TELO2: variants seen among roughly 807,000 people sequenced by gnomAD.
TELO2 encodes the protein telomere length regulation protein TEL2 homolog.
TELO2 carries 71 observed loss-of-function variants against 91.0 expected under a neutral mutation model. The ratio of observed to expected loss-of-function variants is 0.78; its 90% CI spans 0.64 to 0.95. The LOEUF is 0.95. Among genes scored for constraint, TELO2 ranks in the 40% least tolerant of loss-of-function variants. The pLI, the probability that TELO2 is intolerant of heterozygous loss-of-function variation, is 0.00. For missense variants in TELO2, 1,183 were observed against 1,141.3 expected (o/e 1.04, Z -0.53); for synonymous variants, 584 against 518.9 (o/e 1.13, Z -1.71).
At chr16:1,507,981 C>T (rs1042366054) in intron 20 of TELO2, among the ~76,000 whole-genome samples, 2 of 147,664 alleles carry the variant, frequency 1.4e-5, no homozygotes, top group East Asian at 4.0e-4. Flanking sequence ...CCTTGGGACC[C>T]ACACAGGCAG....
At position 1,493,855 on chromosome 16, in the gene TELO2, C is replaced by T. The variant is rs969539964; in HGVS notation, c.-37+250C>T. ...GAGCCACCTCTCACCGCTCAGGGAG[C>T]CGGGAGGGCCGGCAGCTCCCGCGGG... On this transcript the variant is annotated intron_variant, in intron 1 of 20. Coordinates refer to ENST00000262319, the MANE Select transcript of TELO2 (RefSeq NM_016111.4). The surrounding 1 kb of genome is among the most constrained non-coding windows in gnomAD (Gnocchi z 4.3). Among the ~76,000 whole-genome samples the T allele has an allele frequency of 2.0e-5, 3 of 152,236 alleles. No individual in the cohort carries two copies. The highest frequency in any genetic ancestry group is 6.5e-5 in the Admixed American group (1 of 15,286).
At position 1,507,628 on chromosome 16, in the gene TELO2, C is replaced by G. The variant is rs759218291; in HGVS notation, c.2319C>G (p.Ala773=). The G allele has an allele frequency of 6.3e-7, 1 of 1,596,474 alleles. No homozygotes were observed. Among genetic ancestry groups the G allele is most frequent in the African/African-American group, 1.3e-5 (1 of 74,992 alleles). ...ACGTGCGCCAGGGGCTGTTGTCGGC[C>G]GTCTCCTCCGTCCTGCTCAGCCTGC... is the stretch of plus-strand genomic sequence containing the variant. The part of the protein sequence containing the change: ...DAYVRQGLLS[A]VSSVLLSLPA... The change falls in exon 20 of 21, where the codon GCC becomes GCG. Residue 773 remains alanine (A), a synonymous_variant. Coordinates refer to ENST00000262319, the MANE Select transcript of TELO2 (RefSeq NM_016111.4).
rs898050715 is a variant in TELO2, at chr16:1,505,973, G to A, written c.2035-265G>A. 6.6e-6 allele frequency among the ~76,000 whole-genome samples: 1 copy of A among 152,112 alleles called. No individual in the cohort carries two copies. The highest frequency in any genetic ancestry group is 2.4e-5 in the African/African-American group (1 of 41,458). On this transcript the variant is annotated intron_variant, in intron 16 of 20. Coordinates refer to ENST00000262319, the MANE Select transcript of TELO2 (RefSeq NM_016111.4). The surrounding 1 kb of genome is among the most constrained non-coding windows in gnomAD (Gnocchi z 4.3). ...GGAGGCATCCTGCAGTGCCCAGGGC[G>A]GCCTCCCCAGGACGCTCCTCCAGCC...
At chr16:1,500,066 C>A in intron 6 of TELO2, 30 bp from the exon 7 acceptor site, 2 of 1,598,428 alleles carry the variant, frequency 1.3e-6, no homozygotes, top group Non-Finnish European at 1.7e-6. Flanking sequence ...CGGCCTCAGC[C>A]CAGTGGACAG....
chr16:1,499,322 T>A lies in TELO2; in HGVS notation c.922T>A (p.Ser308Thr). Residue 308 changes from serine to threonine, a missense_variant, in exon 6 of 21, where the codon TCC becomes ACC. Ser to Thr is a moderately conservative substitution (Grantham distance 58). Transcript: ENST00000262319. Reference protein sequence around the residue: ...VMTQKLLFLQSRLTTPMLQSL... With the variant: ...VMTQKLLFLQTRLTTPMLQSL... ...GACCCAGAAGCTTCTGTTCTTACAG[T>A]CCCGGCTCACGGTGAGGACGCCACG... 6.2e-7 allele frequency: 1 copy of A among 1,605,312 alleles called. No homozygotes were observed. The highest frequency in any genetic ancestry group is 8.5e-7 in the Non-Finnish European group (1 of 1,178,206).
intron 3 of TELO2, among the ~76,000 whole-genome samples, chr16:1,496,007 C>T (rs572725273): frequency 6.6e-6 from 1 of 152,362 alleles, no homozygotes; most frequent in South Asian, 2.1e-4. Flanking sequence ...CCCATGCTCG[C>T]TCTGTTTTCC....
rs143041377 is a variant in TELO2 at position 1,496,560 on chromosome 16, G to A, written c.614-476G>A. Among the ~76,000 whole-genome samples the A allele has an allele frequency of 2.3e-4, 35 of 152,308 alleles. No individual in the cohort carries two copies. In the East Asian group the frequency reaches 4.6e-3, roughly 20 times the overall value. On this transcript the variant is annotated intron_variant, in intron 3 of 20. Transcript: ENST00000262319. ...GTCCCCACGCGGCTCTGTGCTTTCC[G>A]CTGCCCCGCGTCCCAGCTCTTCTGT...
At chr16:1,508,064 T>C (rs770672988) in intron 20 of TELO2, among the ~76,000 whole-genome samples, 8 of 152,204 alleles carry the variant, frequency 5.3e-5, no homozygotes, top group Non-Finnish European at 1.0e-4. Context: ...CTAGACCCTG[T>C]TGGGGTCCCT....
chr16:1,509,787 C>T (rs763297869), intron 20 of TELO2, 43 bp from the exon 21 acceptor site: 1 of 1,548,148 alleles, frequency 6.5e-7, no homozygotes, highest in Admixed American at 1.8e-5. Context: ...GAGAATACGC[C>T]CTCCACGCTG....
chr16:1,499,989 C>G lies in TELO2; in HGVS notation c.934-107C>G, dbSNP rs1405056504. 4.6e-6 allele frequency: 6 copies of G among 1,306,506 alleles called. No individual in the cohort carries two copies. In the Admixed American group the frequency reaches 7.5e-5, roughly 16 times the overall value. 80.9% of individuals were successfully genotyped at this position (1,306,506 alleles called of 1,614,324 possible). ...GGCCGCCCCCATGCTTGTCCGTCTGCTGCCCTCAGTCTGGTCCCAGTCCTG... is the reference window on the plus strand; with the variant it reads ...GGCCGCCCCCATGCTTGTCCGTCTGGTGCCCTCAGTCTGGTCCCAGTCCTG... On this transcript the variant is annotated intron_variant, in intron 6 of 20. Transcript: ENST00000262319.
In TELO2 at chr16:1,502,633, C is replaced by A. The variant is rs753509937; in HGVS notation, c.1654-12C>A. ...GTCCGACAGGTTTCCCAGCCCTAACCCCTGCGTGCAGGTGAGCGTGGAGCT... is the reference window on the plus strand; with the variant it reads ...GTCCGACAGGTTTCCCAGCCCTAACACCTGCGTGCAGGTGAGCGTGGAGCT... On this transcript the variant is annotated splice_polypyrimidine_tract_variant and intron_variant, in intron 13 of 20. Transcript: ENST00000262319. The A allele has an allele frequency of 2.5e-6, 4 of 1,609,582 alleles. No homozygotes were observed. The highest frequency in any genetic ancestry group is 2.5e-6 in the Non-Finnish European group (3 of 1,179,510).
intron 7 of TELO2, 83 bp from the exon 8 acceptor site, chr16:1,500,264 G>A (rs993214065): frequency 2.8e-5 from 43 of 1,530,516 alleles, no homozygotes; most frequent in Admixed American, 3.9e-5. Context: ...GGGCTGGGGC[G>A]GAGCTCCCTC....
chr16:1,506,631 C>G, intron 17 of TELO2: 3 of 1,383,468 alleles, frequency 2.2e-6, no homozygotes, highest in Middle Eastern at 2.7e-4. Flanking sequence ...CTCCTCCTGC[C>G]TCAGCCGGCG....
In TELO2 at chr16:1,499,324, C is replaced by A. The variant is rs2039595304; in HGVS notation, c.924C>A (p.Ser308=). ...VMTQKLLFLQ[S]RLTTPMLQSL... is the part of the protein sequence containing the mutation. ...CCCAGAAGCTTCTGTTCTTACAGTC[C>A]CGGCTCACGGTGAGGACGCCACGGA... is the stretch of plus-strand genomic sequence containing the variant. Residue 308 remains serine (S), a synonymous_variant, in exon 6 of 21, where the codon TCC becomes TCA. Coordinates refer to ENST00000262319, the MANE Select transcript of TELO2 (RefSeq NM_016111.4). 6.2e-7 allele frequency: 1 copy of A among 1,603,334 alleles called. No homozygotes were observed. The highest frequency in any genetic ancestry group is 8.5e-7 in the Non-Finnish European group (1 of 1,177,620).
intron 12 of TELO2, 38 bp from the exon 13 acceptor site, chr16:1,502,275 G>A (rs111749028): frequency 1.3e-6 from 2 of 1,573,352 alleles, no homozygotes; most frequent in Admixed American, 1.9e-5. Flanking sequence ...TCAGGGTCAG[G>A]GCTGAGGCTG....
chr16:1,495,594 T>A lies in TELO2; in HGVS notation c.584T>A (p.Val195Glu), dbSNP rs2039457291. Residue 195 changes from valine to glutamate, a missense_variant, in exon 3 of 21, where the codon GTG (valine) becomes GAG (glutamate). Physicochemically the swap from Val to Glu is moderately radical, Grantham distance 121. Transcript: ENST00000262319. ...CTGCTCGGCGAGGAGGTCGTCCGGG[T>A]GCTGCAGGCGGTTGTGGACTCTCTC... ...FRLLGEEVVRVLQAVVDSLQG... is the reference protein window; with the variant it reads ...FRLLGEEVVRELQAVVDSLQG... 3 of 1,605,734 alleles carry A rather than the reference T, an allele frequency of 1.9e-6. No homozygotes were observed. The highest frequency in any genetic ancestry group is 1.3e-5 in the African/African-American group (1 of 74,838).
rs774126528 is a variant in TELO2 at position 1,500,508 on chromosome 16, T to TC, written c.1144+26dup. 3 of 1,608,734 alleles carry TC rather than the reference T, an allele frequency of 1.9e-6. No individual in the cohort carries two copies. The East Asian group carries it at 6.7e-5, about 36-fold the overall frequency. On this transcript the variant is annotated intron_variant, in intron 8 of 20. Coordinates refer to ENST00000262319, the MANE Select transcript of TELO2 (RefSeq NM_016111.4). ...GGGATGGTGAGCGGGTGGTTTGGGC[T>TC]CCCCCCGGCCTCGGGCGCCCCGAGG...
Position 1,504,157 on chromosome 16 carries a change from G to T in TELO2, c.1842+1155G>T, listed in dbSNP as rs576694155. ...AAAAAAAAAAAAAAAAAAAGCAGCC[G>T]GCCACGGCGGCTCACACCTGTAATC... is the stretch of plus-strand genomic sequence containing the variant. On this transcript the variant is annotated intron_variant, in intron 15 of 20. Transcript: ENST00000262319. Among the ~76,000 whole-genome samples, 3 of 150,008 alleles carry T rather than the reference G, an allele frequency of 2.0e-5. No individual in the cohort carries two copies. In the South Asian group the frequency reaches 6.4e-4, roughly 32 times the overall value.
At chr16:1,507,527 C>A in intron 19 of TELO2, 74 bp from the exon 20 acceptor site, 2 of 1,495,690 alleles carry the variant, frequency 1.3e-6, no homozygotes, top group South Asian at 2.4e-5. Flanking sequence ...CGTGGGTGGT[C>A]TGCCACACTG....
Sources: allele counts gnomAD v4.1 joint callset (sites outside exome capture counted in the v4.1 genomes callset), GRCh38; gene constraint gnomAD v4.1.1; non-coding constraint Gnocchi (gnomAD v3.1); transcripts MANE v1.5; gene names NCBI Gene and HGNC (gene_info 2026-07-23, HGNC 2026-07-21).